The following XIST variants were observed in gnomAD, a reference collection of about 807,000 sequenced individuals.
XIST encodes X inactive specific transcript.
exon 1 of XIST, chrX:73,850,879 G>A: frequency 1.8e-6 from 1 of 545,162 alleles, no homozygotes; most frequent in Non-Finnish European, 3.3e-6. Flanking sequence ...GGACAGGAGG[G>A]GACAAATAAG....
rs937656087 is a variant in XIST at position 73,827,474 on chromosome X, C to A, written n.12427G>T. On this transcript the variant is annotated non_coding_transcript_exon_variant, in exon 6 of 6. Transcript: ENST00000429829. ...TACTGAAATAGAAAATCACAAACAG[C>A]AAGAGATGCTGAGGCACGCAGGGGA... 1.1e-5 allele frequency: 6 copies of A among 536,044 alleles called. No individual in the cohort carries two copies. In the East Asian group the frequency reaches 1.7e-4, roughly 15 times the overall value. The allele number at this position is 536,044 out of a possible 1,213,427, so 44.2% of individuals were successfully genotyped here. A position where few individuals can be genotyped will look rare whatever the true frequency, so the allele number is the denominator to read the frequency against.
chrX:73,838,999 A>G (rs1922539375), intron 1 of XIST, among the ~76,000 whole-genome samples: 1 of 111,785 alleles, frequency 8.9e-6, no homozygotes. Context: ...GTTCAGATAT[A>G]ATCATTAGTT....
chrX:73,822,655 T>C (rs745425033), exon 6 of XIST: 1 of 528,762 alleles, frequency 1.9e-6, no homozygotes, highest in Non-Finnish European at 3.4e-6. Context: ...TCACTTCTGT[T>C]TGATGAAGAG....
chrX:73,829,020 T>C (rs767907603), intron 5 of XIST: 3 of 516,429 alleles, frequency 5.8e-6, no homozygotes, highest in African/African-American at 2.3e-5. Flanking sequence ...ACAGCTGTTA[T>C]AACAGTTCTG....
At chrX:73,822,138 A>G (rs769220719) in exon 6 of XIST, 1 of 559,023 alleles carries the variant, frequency 1.8e-6, no homozygotes. Flanking sequence ...GGTACCAATG[A>G]GACTGGGGTT....
rs775273362 is a variant in XIST, at chrX:73,850,345, A to C, written n.2379T>G. On this transcript the variant is annotated non_coding_transcript_exon_variant, in exon 1 of 6. Transcript: ENST00000429829. ...TAAGGAATTTTAAGGAACTCAAAAC[A>C]AAAACTCATTAAATGTAATTAAAGT... The C allele has an allele frequency of 1.9e-5, 10 of 539,226 alleles. No individual in the cohort carries two copies. In the African/African-American group the frequency reaches 2.3e-4, roughly 12 times the overall value. 44.4% of individuals were successfully genotyped at this position (539,226 alleles called of 1,213,427 possible). A position where few individuals can be genotyped will look rare whatever the true frequency, so the allele number is the denominator to read the frequency against.
rs552073275 is a variant in XIST, at chrX:73,827,629, G to A, written n.12272C>T. 4 of 548,492 alleles carry A rather than the reference G, an allele frequency of 7.3e-6. No homozygotes were observed. In the African/African-American group the frequency reaches 9.0e-5, roughly 12 times the overall value. The allele number at this position is 548,492 out of a possible 1,213,427, so 45.2% of individuals were successfully genotyped here. ...TGAAATTTAAAACGAACGAGAAGGG[G>A]AAGGGGTAACAAATAATCACAGTTC... On this transcript the variant is annotated non_coding_transcript_exon_variant, in exon 6 of 6. Transcript: ENST00000429829.
At chrX:73,826,858 C>G (rs1267594724) in exon 6 of XIST, 1 of 556,719 alleles carries the variant, frequency 1.8e-6, no homozygotes, top group African/African-American at 2.2e-5. Context: ...CCTTGTGTCA[C>G]AAGTCTCAGT....
exon 6 of XIST, chrX:73,825,173 A>G (rs778416470): frequency 3.7e-6 from 2 of 543,083 alleles, no homozygotes; most frequent in South Asian, 4.6e-5. Flanking sequence ...TTATGTTTTC[A>G]GTATATTTTA....
chrX:73,821,566 G>A, exon 6 of XIST: 3 of 557,886 alleles, frequency 5.4e-6, no homozygotes, highest in Admixed American at 4.4e-5. Flanking sequence ...ATCAGCTATT[G>A]GAACTGCATG....
At chrX:73,842,243 T>C in exon 1 of XIST, 1 of 529,255 alleles carries the variant, frequency 1.9e-6, no homozygotes, top group Admixed American at 2.5e-5. Flanking sequence ...AATAACAATA[T>C]ACAAAGGGGA....
intron 2 of XIST, chrX:73,837,424 G>A (rs1440947484): frequency 2.1e-6 from 1 of 484,639 alleles, no homozygotes; most frequent in Non-Finnish European, 3.6e-6. Flanking sequence ...CAAAGAGTCT[G>A]AGAAACTGTC....
chrX:73,847,391 G>A (rs753028661), exon 1 of XIST: 35 of 511,378 alleles, frequency 6.8e-5, no homozygotes, highest in Non-Finnish European at 1.2e-4. Flanking sequence ...GGGATTCCAG[G>A]GCAATTGTCT....
At chrX:73,850,331 A>C (rs745511960) in exon 1 of XIST, 2 of 544,354 alleles carry the variant, frequency 3.7e-6, no homozygotes, top group South Asian at 4.8e-5. Flanking sequence ...AAGGAATTTT[A>C]AGGAACTCAA....
chrX:73,846,539 A>G, exon 1 of XIST: 1 of 559,192 alleles, frequency 1.8e-6, no homozygotes, highest in Non-Finnish European at 3.2e-6. Context: ...CCTTATTCAC[A>G]TGGAATGAGC....
Position 73,833,572 on chromosome X carries a change from T to C in XIST, n.11407-198A>G, listed in dbSNP as rs184715148. ...AAGCCCTGGCAGTACACGGGAAGATTAGACAAGTGAAGAAAAAGAACTACA... is the reference window on the plus strand; with the variant it reads ...AAGCCCTGGCAGTACACGGGAAGATCAGACAAGTGAAGAAAAAGAACTACA... On this transcript the variant is annotated intron_variant and non_coding_transcript_variant, in intron 2 of 5. Transcript: ENST00000429829. 9.6e-4 allele frequency: 273 copies of C among 285,317 alleles called. 2 individuals carry two copies. Among genetic ancestry groups the C allele is most frequent in the African/African-American group, 6.5e-3 (236 of 36,276 alleles). The allele number at this position is 285,317 out of a possible 1,213,427, so 23.5% of individuals were successfully genotyped here.
At position 73,851,142 on chromosome X, in the gene XIST, C is replaced by A. The variant is rs1380403951; in HGVS notation, n.1582G>T. 7.1e-6 allele frequency: 4 copies of A among 559,486 alleles called. No individual in the cohort carries two copies. The South Asian group carries it at 8.9e-5, about 12-fold the overall frequency. The allele number at this position is 559,486 out of a possible 1,213,427, so 46.1% of individuals were successfully genotyped here. A position where few individuals can be genotyped will look rare whatever the true frequency, so the allele number is the denominator to read the frequency against. On this transcript the variant is annotated non_coding_transcript_exon_variant, in exon 1 of 6. Coordinates refer to ENST00000429829, the Ensembl canonical transcript of XIST. Reference sequence around the variant, plus strand: ...CCCATTTCTAATTGGTTGGGTTATGCAGCAATCCAGCACTGTCCATCCCAC... The same window carrying A: ...CCCATTTCTAATTGGTTGGGTTATGAAGCAATCCAGCACTGTCCATCCCAC...
At chrX:73,848,340 T>C (rs1486481603) in exon 1 of XIST, 1 of 554,323 alleles carries the variant, frequency 1.8e-6, no homozygotes, top group African/African-American at 2.2e-5. Flanking sequence ...ACCCTCTTGA[T>C]GTAAAGCAAA....
chrX:73,824,156 C>T (rs1254659827), exon 6 of XIST: 1 of 519,176 alleles, frequency 1.9e-6, no homozygotes, highest in Admixed American at 2.6e-5. Context: ...TCTTCTGCTA[C>T]CCAAGACACA....
Sources: allele counts gnomAD v4.1 joint callset (sites outside exome capture counted in the v4.1 genomes callset), GRCh38; gene constraint gnomAD v4.1.1; transcripts MANE v1.5; gene names NCBI Gene and HGNC (gene_info 2026-07-23, HGNC 2026-07-21).